TSPEAR: variants seen among roughly 807,000 people sequenced by gnomAD.
TSPEAR encodes the protein thrombospondin type laminin G domain and EAR repeats, also known as thrombospondin-type laminin G domain and EAR repeat-containing protein.
TSPEAR carries 69 observed loss-of-function variants against 71.6 expected under a neutral mutation model. The observed-to-expected ratio is 0.96, with a 90% CI of 0.79 to 1.18. The LOEUF (loss-of-function observed/expected upper bound fraction) is 1.18, where lower values mean the gene tolerates loss of function less well. Ranked by LOEUF, TSPEAR falls within the 50% of genes most tolerant of loss-of-function variation. The pLI is 0.00. For synonymous variants in TSPEAR, 402 were observed against 387.2 expected, an observed-to-expected ratio of 1.04 and a Z score of -0.45; for missense variants, 971 against 894.9, an observed-to-expected ratio of 1.09 and a Z score of -1.09.
chr21:44,627,398 C>T lies in TSPEAR; in HGVS notation c.83-59393G>A, dbSNP rs376626071. The T allele has an allele frequency of 7.2e-5, 117 of 1,614,026 alleles. No individual in the cohort carries two copies. Among genetic ancestry groups the T allele is most frequent in the Non-Finnish European group, 8.0e-5 (94 of 1,179,972 alleles). ...CAATCAGGCTGCACCAGCTCCTGCACGCCCTCGTGCTGCCAGCAGTCTAGC... is the reference window on the plus strand; with the variant it reads ...CAATCAGGCTGCACCAGCTCCTGCATGCCCTCGTGCTGCCAGCAGTCTAGC... On this transcript the variant is annotated intron_variant, in intron 1 of 11. Coordinates refer to ENST00000323084, the MANE Select transcript of TSPEAR (RefSeq NM_144991.3).
intron 1 of TSPEAR, among the ~76,000 whole-genome samples, chr21:44,594,847 C>G (rs116344): frequency 0.25 from 32,836 of 133,346 alleles, 8,239 homozygotes; most frequent in African/African-American, 0.65. Context: ...TTTTGAGATG[C>G]AGTCTCACTC....
intron 9 of TSPEAR, among the ~76,000 whole-genome samples, 163 bp downstream of exon 9, chr21:44,521,720 G>A (rs781854886): frequency 1.6e-4 from 24 of 152,312 alleles, no homozygotes; most frequent in African/African-American, 3.6e-4. Flanking sequence ...ATCCTGTGCC[G>A]TCCAGAGGAG....
intron 1 of TSPEAR, among the ~76,000 whole-genome samples, chr21:44,656,323 T>G (rs1298645518): frequency 1.3e-5 from 2 of 152,204 alleles, no homozygotes; most frequent in African/African-American, 4.8e-5. Context: ...CTAGTCAACC[T>G]AAAGGACATC....
chr21:44,697,353 T>C, intron 1 of TSPEAR: 1 of 1,612,948 alleles, frequency 6.2e-7, no homozygotes, highest in African/African-American at 1.3e-5. Flanking sequence ...CTGAGCCTGG[T>C]CTGCACCCCA....
At chr21:44,562,576 A>G (rs1555921243) in intron 2 of TSPEAR, among the ~76,000 whole-genome samples, 1 of 152,224 alleles carries the variant, frequency 6.6e-6, no homozygotes, top group African/African-American at 2.4e-5. Flanking sequence ...TATCATAGTA[A>G]AAATACTGAA....
At chr21:44,651,406 A>G (rs1984782796) in intron 1 of TSPEAR, among the ~76,000 whole-genome samples, 1 of 152,224 alleles carries the variant, frequency 6.6e-6, no homozygotes, top group Non-Finnish European at 1.5e-5. Flanking sequence ...CGAATGGATC[A>G]TCTCATAGCA....
At chr21:44,627,210 C>T (rs782676137) in intron 1 of TSPEAR, 1 of 1,613,024 alleles carries the variant, frequency 6.2e-7, no homozygotes, top group Non-Finnish European at 8.5e-7. Context: ...CCAGCGCTTA[C>T]TCCGACTCCT....
chr21:44,587,073 C>CA (rs1389100230), intron 1 of TSPEAR, among the ~76,000 whole-genome samples: 5 of 152,124 alleles, frequency 3.3e-5, no homozygotes, highest in African/African-American at 1.2e-4. Context: ...AAAAGGCATC[C>CA]AAATCGGTAC....
chr21:44,501,363 AGG>A (rs2052026150), intron 11 of TSPEAR, among the ~76,000 whole-genome samples: 1 of 152,208 alleles, frequency 6.6e-6, no homozygotes, highest in Non-Finnish European at 1.5e-5. Context: ...TGGGAGGCCG[AGG>A]CGGGCAGATC....
intron 11 of TSPEAR, among the ~76,000 whole-genome samples, chr21:44,502,776 G>C (rs587665220): frequency 6.6e-6 from 1 of 152,250 alleles, no homozygotes; most frequent in Non-Finnish European, 1.5e-5. Flanking sequence ...GCTGTGAGCC[G>C]GTGGCACCTG....
At chr21:44,653,051 G>C (rs958003454) in intron 1 of TSPEAR, among the ~76,000 whole-genome samples, 1 of 152,058 alleles carries the variant, frequency 6.6e-6, no homozygotes, top group Non-Finnish European at 1.5e-5. Context: ...CCAGATACTC[G>C]GGAGGCTGAG....
intron 1 of TSPEAR, among the ~76,000 whole-genome samples, chr21:44,568,341 G>A (rs765142140): frequency 5.3e-4 from 80 of 152,296 alleles, no homozygotes; most frequent in Non-Finnish European, 5.6e-4. Context: ...AGGAAGGAAC[G>A]CATGGCCCCA....
intron 10 of TSPEAR, chr21:44,508,642 G>A (rs1466257535): frequency 2.6e-5 from 31 of 1,186,186 alleles, no homozygotes; most frequent in East Asian, 5.9e-5. Flanking sequence ...GTGGCTCCAC[G>A]GAGCGTGTCG....
chr21:44,549,784 G>T (rs587645268), intron 2 of TSPEAR, among the ~76,000 whole-genome samples: 1 of 152,370 alleles, frequency 6.6e-6, no homozygotes, highest in East Asian at 1.9e-4. Context: ...TGCCATTGGG[G>T]CCTTGCTGTT....
chr21:44,599,813 G>A (rs1980656186), intron 1 of TSPEAR, among the ~76,000 whole-genome samples: 1 of 152,264 alleles, frequency 6.6e-6, no homozygotes, highest in Non-Finnish European at 1.5e-5. Context: ...CACACTGCAA[G>A]CGAAAGCAGT....
chr21:44,518,546 A>G (rs2052658994), intron 9 of TSPEAR: 1 of 434,542 alleles, frequency 2.3e-6, no homozygotes, highest in South Asian at 1.7e-5. Flanking sequence ...CCTCCAGGAC[A>G]GCAGCCTCTC....
intron 1 of TSPEAR, chr21:44,627,954 T>C (rs1376933628): frequency 4.2e-5 from 63 of 1,516,990 alleles, no homozygotes; most frequent in Non-Finnish European, 5.6e-5. Context: ...AGCCCAGCTA[T>C]TGCCGCCAGG....
intron 9 of TSPEAR, among the ~76,000 whole-genome samples, chr21:44,517,987 T>C (rs1555913711): frequency 6.6e-6 from 1 of 152,216 alleles, no homozygotes; most frequent in Non-Finnish European, 1.5e-5. Flanking sequence ...AGATACAGAC[T>C]CTCCTGGTTT....
chr21:44,661,352 G>C (rs960721982), intron 1 of TSPEAR, among the ~76,000 whole-genome samples: 6 of 151,060 alleles, frequency 4.0e-5, no homozygotes, highest in Non-Finnish European at 7.4e-5. Context: ...ACAGTGCATT[G>C]TGGGGTTTTT....
Sources: gnomAD v4.1 joint callset for allele counts (sites outside exome capture counted in the v4.1 genomes callset) on GRCh38, gnomAD v4.1.1 for gene constraint, MANE v1.5 for transcripts, NCBI Gene and HGNC (gene_info 2026-07-23, HGNC 2026-07-21) for gene names.